ELF1: variants seen among roughly 807,000 people sequenced by gnomAD.
ELF1 encodes E74 like ETS transcription factor 1, also known as ETS-related transcription factor Elf-1.
ELF1 carries 24 observed loss-of-function variants against 59.9 expected under a neutral mutation model. The observed-to-expected ratio is 0.40, with a 90% CI of 0.29 to 0.56. The LOEUF (loss-of-function observed/expected upper bound fraction) is 0.56, where lower values mean the gene tolerates loss of function less well. ELF1 is among the 20% of genes least tolerant of loss of function. The pLI, the probability that ELF1 is intolerant of heterozygous loss-of-function variation, is 0.44. For missense variants in ELF1, 627 were observed against 742.2 expected (o/e 0.84, Z 1.80); for synonymous variants, 248 against 266.2 (o/e 0.93, Z 0.67).
intron 3 of ELF1, among the ~76,000 whole-genome samples, chr13:40,953,077 A>C (rs1870963151): frequency 6.6e-6 from 1 of 151,718 alleles, no homozygotes; most frequent in Non-Finnish European, 1.5e-5. Flanking sequence ...CCCAGATTCA[A>C]GCGATTCTCC....
chr13:40,994,706 A>T (rs918489554), intron 1 of ELF1, among the ~76,000 whole-genome samples: 20 of 152,230 alleles, frequency 1.3e-4, no homozygotes, highest in African/African-American at 4.6e-4. Context: ...AATTCTGTTC[A>T]TTAAAAAGAA....
At chr13:40,969,996 T>C (rs1872429668) in intron 2 of ELF1, among the ~76,000 whole-genome samples, 1 of 152,200 alleles carries the variant, frequency 6.6e-6, no homozygotes, top group African/African-American at 2.4e-5. Context: ...TCCCTGGCAA[T>C]TTCCTCAGTT....
intron 1 of ELF1, among the ~76,000 whole-genome samples, chr13:41,029,459 A>G (rs1218039250): frequency 6.6e-6 from 1 of 151,962 alleles, no homozygotes; most frequent in Non-Finnish European, 1.5e-5. Flanking sequence ...TGGCCTGATC[A>G]CAGCCTCAAC....
intron 2 of ELF1, among the ~76,000 whole-genome samples, chr13:40,974,431 G>A (rs1340371312): frequency 6.6e-6 from 1 of 152,168 alleles, no homozygotes; most frequent in Non-Finnish European, 1.5e-5. Flanking sequence ...TCACTTAGTA[G>A]CTATGAAATT....
At chr13:41,060,193 T>TC (rs1158501973) in intron 1 of ELF1, among the ~76,000 whole-genome samples, 2 of 151,722 alleles carry the variant, frequency 1.3e-5, no homozygotes, top group Admixed American at 1.3e-4. Context: ...GGAAAGCGCG[T>TC]CCCCCCGGGA....
intron 1 of ELF1, among the ~76,000 whole-genome samples, chr13:41,034,916 C>CA (rs1300250420): frequency 6.6e-6 from 1 of 152,170 alleles, no homozygotes; most frequent in African/African-American, 2.4e-5. Flanking sequence ...TCTACGCCCC[C>CA]AGCATATACT....
At chr13:41,061,089 A>T in exon 1 of ELF1, 1 of 194,188 alleles carries the variant, frequency 5.1e-6, no homozygotes, top group Non-Finnish European at 1.1e-5. Context: ...CCGGTCCCGC[A>T]GTTTCACCTC....
Position 41,060,916 on chromosome 13 carries a change from C to CTG in ELF1, c.-308_-307insCA, listed in dbSNP as rs1347281019. 5.0e-3 allele frequency: 150 copies of CTG among 29,996 alleles called. 15 individuals are homozygous for CTG. The highest frequency in any genetic ancestry group is 0.014 in the East Asian group (104 of 7,638). 1.9% of individuals were successfully genotyped at this position (29,996 alleles called of 1,614,324 possible). On this transcript the variant is annotated 5_prime_UTR_variant, in exon 1 of 2. Transcript: ENST00000405737. ...CTCTGCGCTACTGAAGCTGCTGCTG[C>CTG]CGCCGCCGCCGCCGCCGCCGCCGCC...
At chr13:41,009,685 G>A (rs1481439053) in intron 1 of ELF1, among the ~76,000 whole-genome samples, 2 of 151,934 alleles carry the variant, frequency 1.3e-5, no homozygotes, top group African/African-American at 2.4e-5. Flanking sequence ...GTTATTCTTC[G>A]TGGAAAGGGC....
Position 41,060,949 on chromosome 13 carries a change from CTGCT to C in ELF1, c.-344_-341del, listed in dbSNP as rs2138451130. ...GCCGCCGCCGCCGCCGCCGCCGCTG[CTGCT>C]GCCCACACGCTCCCGAGCTAGGGAA... is the stretch of plus-strand genomic sequence containing the variant. On this transcript the variant is annotated 5_prime_UTR_variant, in exon 1 of 2. Transcript: ENST00000405737. The C allele has an allele frequency of 2.5e-5, 9 of 360,474 alleles. No individual in the cohort carries two copies. In the Middle Eastern group the frequency reaches 4.6e-3, roughly 185 times the overall value. 22.3% of individuals were successfully genotyped at this position (360,474 alleles called of 1,614,324 possible). A position where few individuals can be genotyped will look rare whatever the true frequency, so the allele number is the denominator to read the frequency against.
chr13:40,956,320 G>A (rs1372536720), intron 3 of ELF1, among the ~76,000 whole-genome samples: 26 of 152,148 alleles, frequency 1.7e-4, no homozygotes, highest in African/African-American at 6.0e-4. Context: ...ACTCAGGGTT[G>A]AATGGATTAA....
chr13:41,023,611 A>C (rs1875770876), upstream of ELF1, among the ~76,000 whole-genome samples: 1 of 152,224 alleles, frequency 6.6e-6, no homozygotes, highest in African/African-American at 2.4e-5. Flanking sequence ...TAAACGTAAA[A>C]CACAGTTAAT....
chr13:41,058,876 G>A (rs12585765), intron 1 of ELF1, among the ~76,000 whole-genome samples: 3 of 152,220 alleles, frequency 2.0e-5, no homozygotes, highest in Non-Finnish European at 2.9e-5. Flanking sequence ...GGGAGGCTGA[G>A]GCACGAGAAT....
chr13:41,002,238 T>C (rs562034683), intron 1 of ELF1, among the ~76,000 whole-genome samples: 115 of 152,260 alleles, frequency 7.6e-4, no homozygotes, highest in Non-Finnish European at 1.3e-3. Flanking sequence ...TGTGACACTG[T>C]GTACTGGGAT....
intron 1 of ELF1, among the ~76,000 whole-genome samples, chr13:40,990,017 A>AAT (rs61055420): frequency 0.18 from 27,614 of 152,148 alleles, 2,682 homozygotes; most frequent in African/African-American, 0.22. Context: ...GGTGGAGTAC[A>AAT]ATATATGGTT....
At chr13:40,942,539 G>A (rs1593350586) in intron 7 of ELF1, among the ~76,000 whole-genome samples, 2 of 150,412 alleles carry the variant, frequency 1.3e-5, no homozygotes, top group Non-Finnish European at 3.0e-5. Flanking sequence ...CTTTTTTTTT[G>A]AGACAGGGTC....
intron 1 of ELF1, among the ~76,000 whole-genome samples, chr13:41,045,133 T>C (rs1876787498): frequency 6.6e-6 from 1 of 152,168 alleles, no homozygotes. Context: ...GTGGTATCAG[T>C]TGTGATATCC....
rs566720198 is a variant in ELF1, at chr13:40,987,892, C to G, written c.-228-5610G>C. ...ATAAAAGGGCTCTTTTCAGTATATA[C>G]AGATAGTCATGGTAAGAAATGCAAT... On this transcript the variant is annotated intron_variant, in intron 1 of 8. Coordinates refer to ENST00000239882, the MANE Select transcript of ELF1 (RefSeq NM_172373.4). Among the ~76,000 whole-genome samples, 7 of 152,058 alleles carry G rather than the reference C, an allele frequency of 4.6e-5. No individual in the cohort carries two copies. The South Asian group carries it at 1.5e-3, about 32-fold the overall frequency.
intron 1 of ELF1, among the ~76,000 whole-genome samples, chr13:41,008,967 T>C (rs1377900856): frequency 6.6e-6 from 1 of 151,758 alleles, no homozygotes; most frequent in African/African-American, 2.4e-5. Context: ...ACTTTTTTTT[T>C]TAAAAAAAAC....
Sources: allele counts gnomAD v4.1 joint callset (sites outside exome capture counted in the v4.1 genomes callset), GRCh38; gene constraint gnomAD v4.1.1; transcripts MANE v1.5; gene names NCBI Gene and HGNC (gene_info 2026-07-23, HGNC 2026-07-21).